The following KLHDC4 variants were observed in gnomAD, a reference collection of about 807,000 sequenced individuals.
The protein encoded by KLHDC4 is kelch domain containing 4.
A neutral mutation model predicts 62.4 loss-of-function variants in KLHDC4; 90 were observed. That is an observed-to-expected ratio of 1.44 (90% CI 1.22 to 1.72). The LOEUF is 1.72. Among genes scored for constraint, KLHDC4 ranks in the 40% most tolerant of loss-of-function variants. KLHDC4 has a pLI of 0.00. For synonymous variants in KLHDC4, 386 were observed against 284.4 expected, an observed-to-expected ratio of 1.36 and a Z score of -3.59; for missense variants, 1,025 against 699.7, an observed-to-expected ratio of 1.47 and a Z score of -5.25.
At chr16:87,719,212 T>C (rs2037742085) in intron 7 of KLHDC4, among the ~76,000 whole-genome samples, 1 of 152,152 alleles carries the variant, frequency 6.6e-6, no homozygotes, top group Non-Finnish European at 1.5e-5. Flanking sequence ...ATGATGGTGG[T>C]TTTGTCAAAT....
rs1331825089 is a variant in KLHDC4 at position 87,730,597 on chromosome 16, C to T, written c.554G>A (p.Trp185Ter). ...SGRSGHRMVA[W>*]KRQLILFGGF... Reference sequence around the variant, plus strand: ...ACCAAACAGGATCAATTGTCTCTTCCAGGCCACCATCCGATGTCCACTCCG... The same window carrying T: ...ACCAAACAGGATCAATTGTCTCTTCTAGGCCACCATCCGATGTCCACTCCG... The change falls in exon 6 of 12, where the codon TGG (tryptophan) becomes TAG (stop). Residue 185 changes from tryptophan (W) to a stop codon, truncating the protein, a stop_gained. Transcript: ENST00000270583. LOFTEE classifies it high-confidence loss of function. 7.4e-6 allele frequency: 12 copies of T among 1,613,130 alleles called. No individual in the cohort carries two copies. The East Asian group carries it at 2.7e-4, about 36-fold the overall frequency.
chr16:87,738,357 GCA>G lies in KLHDC4; in HGVS notation c.507-7715_507-7714del, dbSNP rs112406800. Among the ~76,000 whole-genome samples the G allele has an allele frequency of 3.1e-3, 467 of 149,482 alleles. 1 individual carries two copies. The highest frequency in any genetic ancestry group is 3.5e-3 in the East Asian group (18 of 5,106). On this transcript the variant is annotated intron_variant, in intron 5 of 11. Coordinates refer to ENST00000270583, the MANE Select transcript of KLHDC4 (RefSeq NM_017566.4). ...CGTATGCCTGCGCACACACGGACGT[GCA>G]CACACACACACACACACACATCTAT...
intron 5 of KLHDC4, among the ~76,000 whole-genome samples, chr16:87,733,210 T>C (rs2040702328): frequency 6.6e-6 from 1 of 152,124 alleles, no homozygotes; most frequent in South Asian, 2.1e-4. Flanking sequence ...AGCTTCTACA[T>C]GGGTGGTTCT....
At chr16:87,715,198 A>C (rs1020795877) in intron 7 of KLHDC4, among the ~76,000 whole-genome samples, 1 of 151,690 alleles carries the variant, frequency 6.6e-6, no homozygotes, top group African/African-American at 2.4e-5. Flanking sequence ...CAAAACGCTC[A>C]CCCTGGGTGG....
In KLHDC4 at chr16:87,726,816, CATCTGGCAGCCTG is replaced by C. The variant is rs756355413; in HGVS notation, c.695_707del (p.Ser232CysfsTer36). On this transcript the variant is annotated frameshift_variant, in exon 7 of 12. Transcript: ENST00000270583. LOFTEE classifies it high-confidence loss of function. ...CGATGCCGCCCTGGGGAGTGACGGA[CATCTGGCAGCCTG>C]ATCTGGGTGTGGGCCCCGTCCCTGA... The C allele has an allele frequency of 6.2e-7, 1 of 1,611,156 alleles. No homozygotes were observed. Among genetic ancestry groups the C allele is most frequent in the Non-Finnish European group, 8.5e-7 (1 of 1,178,992 alleles).
At position 87,756,399 on chromosome 16, in the gene KLHDC4, T is replaced by C. The variant is rs767253744; in HGVS notation, c.270A>G (p.Lys90=). ...LFGGEYFNGQ[K]TFLYNELYVY... is the part of the protein sequence containing the mutation. ...GAAAAGAAAAAAATATATACTTTAC[T>C]TTTTGGCCGTTGAAATATTCACCTC... The change falls in exon 3 of 12, where the codon AAA becomes AAG. Residue 90 remains lysine (K), a splice_region_variant and synonymous_variant. Transcript: ENST00000270583. 7 of 1,607,268 alleles carry C rather than the reference T, an allele frequency of 4.4e-6. No individual in the cohort carries two copies. Among genetic ancestry groups the C allele is most frequent in the Non-Finnish European group, 6.0e-6 (7 of 1,174,034 alleles).
At chr16:87,758,928 C>T (rs1192444406) in intron 2 of KLHDC4, among the ~76,000 whole-genome samples, 1 of 152,180 alleles carries the variant, frequency 6.6e-6, no homozygotes, top group African/African-American at 2.4e-5. Flanking sequence ...GTAATCCCAG[C>T]ACTTTCGGAG....
chr16:87,729,343 C>G (rs935217575), intron 6 of KLHDC4: 6 of 152,166 alleles, frequency 3.9e-5, no homozygotes, highest in Middle Eastern at 3.2e-3. Flanking sequence ...ACCTTCACAT[C>G]AATCAATTGC....
At chr16:87,759,498 G>A (rs1468450150) in intron 2 of KLHDC4, among the ~76,000 whole-genome samples, 2 of 152,020 alleles carry the variant, frequency 1.3e-5, no homozygotes, top group African/African-American at 4.8e-5. Flanking sequence ...TGTAATCCCA[G>A]CACTTTGGGA....
intron 1 of KLHDC4, among the ~76,000 whole-genome samples, chr16:87,764,328 G>C (rs529277556): frequency 3.9e-5 from 6 of 152,116 alleles, no homozygotes; most frequent in African/African-American, 1.4e-4. Context: ...ATTGGGTACT[G>C]GAGGGAGACA....
intron 8 of KLHDC4, among the ~76,000 whole-genome samples, chr16:87,711,819 C>T (rs560943428): frequency 2.4e-4 from 36 of 151,638 alleles, no homozygotes; most frequent in Admixed American, 7.2e-4. Context: ...GGGGACCCTT[C>T]GCCCAGGGGG....
chr16:87,717,150 G>A (rs1213847208), intron 7 of KLHDC4, among the ~76,000 whole-genome samples: 1 of 151,812 alleles, frequency 6.6e-6, no homozygotes, highest in African/African-American at 2.4e-5. Context: ...AGGACTACTT[G>A]AGCCTGAAAG....
chr16:87,749,803 T>C (rs1319052210), intron 4 of KLHDC4, among the ~76,000 whole-genome samples: 1 of 152,156 alleles, frequency 6.6e-6, no homozygotes, highest in Non-Finnish European at 1.5e-5. Flanking sequence ...CTCAAACTCC[T>C]GGCTTTAGTC....
In KLHDC4 at chr16:87,709,460, T is replaced by TGTC; in HGVS notation, c.1249_1251dup (p.Asp417dup). Reference sequence around the variant, plus strand: ...GCGGGGCTGCCGGCCTCCTCAAGGCTGTCTTCGTCCTCAGACCGGGGCTGC... The same window carrying TGTC: ...GCGGGGCTGCCGGCCTCCTCAAGGCTGTCGTCTTCGTCCTCAGACCGGGGCTGC... On this transcript the variant is annotated inframe_insertion, in exon 10 of 12. Transcript: ENST00000270583. 2 of 1,612,110 alleles carry TGTC rather than the reference T, an allele frequency of 1.2e-6. No homozygotes were observed. The highest frequency in any genetic ancestry group is 1.7e-6 in the Non-Finnish European group (2 of 1,179,890).
downstream of KLHDC4, among the ~76,000 whole-genome samples, chr16:87,705,948 G>A (rs1251580773): frequency 6.6e-6 from 1 of 152,238 alleles, no homozygotes; most frequent in Non-Finnish European, 1.5e-5. Flanking sequence ...CCGGCGCAAC[G>A]CAACACAAGC....
chr16:87,717,182 G>C (rs1466698891), intron 7 of KLHDC4, among the ~76,000 whole-genome samples: 1 of 152,158 alleles, frequency 6.6e-6, no homozygotes, highest in African/African-American at 2.4e-5. Context: ...AGTGAGCCAA[G>C]ATCATGCCAC....
chr16:87,756,240 G>A (rs566447222), intron 3 of KLHDC4, 159 bp downstream of exon 3: 1 of 572,162 alleles, frequency 1.7e-6, no homozygotes, highest in East Asian at 3.0e-5. Context: ...CCAGGGCCTG[G>A]AGCATCCTGG....
At chr16:87,745,428 A>C (rs575201573) in intron 5 of KLHDC4, among the ~76,000 whole-genome samples, 21 of 152,214 alleles carry the variant, frequency 1.4e-4, no homozygotes, top group Non-Finnish European at 2.6e-4. Context: ...CACCTCCCGG[A>C]ACGTGAGCTC....
intron 7 of KLHDC4, among the ~76,000 whole-genome samples, chr16:87,720,325 C>T (rs980430815): frequency 6.6e-6 from 1 of 152,138 alleles, no homozygotes; most frequent in African/African-American, 2.4e-5. Context: ...GATAGGGTGT[C>T]GGTTCCAAGC....
Sources: gnomAD v4.1 joint callset for allele counts (sites outside exome capture counted in the v4.1 genomes callset) on GRCh38, gnomAD v4.1.1 for gene constraint, MANE v1.5 for transcripts, NCBI Gene and HGNC (gene_info 2026-07-23, HGNC 2026-07-21) for gene names.